CFAP77: variants seen among roughly 807,000 people sequenced by gnomAD.
CFAP77 encodes the protein cilia- and flagella-associated protein 77.
A neutral mutation model predicts 31.1 loss-of-function variants in CFAP77; 25 were observed. The observed-to-expected ratio is 0.80, with a 90% CI of 0.59 to 1.12. The LOEUF is 1.12. Among genes scored for constraint, CFAP77 ranks in the 50% most tolerant of loss-of-function variants. CFAP77 has a pLI of 0.00. For synonymous variants in CFAP77, 151 were observed against 159.9 expected (o/e 0.94, Z 0.42); for missense variants, 377 against 397.3 (o/e 0.95, Z 0.44).
chr9:132,448,190 C>A (rs778275518), intron 1 of CFAP77, among the ~76,000 whole-genome samples: 3 of 152,064 alleles, frequency 2.0e-5, no homozygotes, highest in Non-Finnish European at 2.9e-5. Context: ...CACACACACA[C>A]GCACACATGC....
At chr9:132,556,031 CGG>C (rs1328307123) in intron 5 of CFAP77, among the ~76,000 whole-genome samples, 1 of 152,094 alleles carries the variant, frequency 6.6e-6, no homozygotes, top group Non-Finnish European at 1.5e-5. Context: ...GCACCTGCCC[CGG>C]TGGGAGAACC....
intron 1 of CFAP77, among the ~76,000 whole-genome samples, chr9:132,483,346 AC>A (rs146274269): frequency 0.041 from 6,223 of 152,108 alleles, 413 homozygotes; most frequent in African/African-American, 0.14. Flanking sequence ...TGACTTGGAG[AC>A]CCCCATACAT....
chr9:132,542,950 T>C lies in CFAP77; in HGVS notation c.635T>C (p.Val212Ala). ...TTGCCTTTCCCTGGCCTACAGGTGG[T>C]CCTTGGGAAGCTGTATGAGACCCGG... ...AIKLEKKQKVVLGKLYETRSS... is the reference protein window; with the variant it reads ...AIKLEKKQKVALGKLYETRSS... Residue 212 changes from valine to alanine, a missense_variant, in exon 5 of 6, where the codon GTC (valine) becomes GCC (alanine). Physicochemically the swap from Val to Ala is moderately conservative, Grantham distance 64. Coordinates refer to ENST00000393216, the MANE Select transcript of CFAP77 (RefSeq NM_001282957.2). 6.2e-7 allele frequency: 1 copy of C among 1,614,012 alleles called. No homozygotes were observed. The highest frequency in any genetic ancestry group is 8.5e-7 in the Non-Finnish European group (1 of 1,179,890).
chr9:132,442,808 C>G (rs1441245032), intron 1 of CFAP77, among the ~76,000 whole-genome samples: 2 of 152,098 alleles, frequency 1.3e-5, no homozygotes, highest in African/African-American at 4.8e-5. Context: ...TCCCAAAGTG[C>G]TGGGATTACA....
rs188463644 is a variant in CFAP77 at position 132,501,176 on chromosome 9, C to T, written c.524+1576C>T. ...AGTGCAGGGACAGCTTCAGGCATAG[C>T]AGGATCTAGGCAGTCAGGCAACATC... On this transcript the variant is annotated intron_variant, in intron 3 of 5. Transcript: ENST00000393216. This position sits in a 1 kb window ranked among gnomAD's most constrained non-coding sequence, Gnocchi z 4.6. 1.1e-4 allele frequency among the ~76,000 whole-genome samples: 17 copies of T among 152,354 alleles called. No homozygotes were observed. The highest frequency in any genetic ancestry group is 3.6e-4 in the African/African-American group (15 of 41,586).
intron 1 of CFAP77, among the ~76,000 whole-genome samples, chr9:132,470,292 G>C (rs1851233463): frequency 6.6e-6 from 1 of 152,194 alleles, no homozygotes; most frequent in Non-Finnish European, 1.5e-5. Context: ...TGCTAGGAGG[G>C]AAGTGCCCTG....
chr9:132,460,120 T>C (rs902176345), intron 1 of CFAP77, among the ~76,000 whole-genome samples: 5 of 152,166 alleles, frequency 3.3e-5, no homozygotes, highest in African/African-American at 7.2e-5. Context: ...TGTTTATGGA[T>C]GTACCAGGGG....
intron 3 of CFAP77, among the ~76,000 whole-genome samples, chr9:132,533,161 G>A (rs1187961994): frequency 2.0e-5 from 3 of 152,178 alleles, no homozygotes; most frequent in Non-Finnish European, 2.9e-5. Context: ...TGCCCTGAAC[G>A]AGATCCCACG....
chr9:132,486,077 TATATA>T (rs1851548254), intron 1 of CFAP77, among the ~76,000 whole-genome samples: 1 of 20,146 alleles, frequency 5.0e-5, no homozygotes, highest in Non-Finnish European at 8.1e-5. Context: ...TATATATATA[TATATA>T]TATATATATT....
intron 1 of CFAP77, among the ~76,000 whole-genome samples, chr9:132,491,904 C>G (rs1286457135): frequency 2.0e-5 from 3 of 152,122 alleles, no homozygotes; most frequent in Non-Finnish European, 4.4e-5. Flanking sequence ...GTTGCAATTT[C>G]CAAAAACATA....
At chr9:132,541,609 A>C (rs1268772920) in intron 4 of CFAP77, among the ~76,000 whole-genome samples, 2 of 152,168 alleles carry the variant, frequency 1.3e-5, no homozygotes, top group Non-Finnish European at 2.9e-5. Context: ...CTGTAATCCC[A>C]GCTACTTGGG....
intron 4 of CFAP77, among the ~76,000 whole-genome samples, chr9:132,541,063 G>A (rs1380336903): frequency 6.6e-6 from 1 of 152,154 alleles, no homozygotes; most frequent in Non-Finnish European, 1.5e-5. Context: ...GGGGTTGATA[G>A]ACAATTTACC....
rs1011878414 is a variant in CFAP77, at chr9:132,540,793, G to A, written c.631-2153G>A. ...GTTCTTTACCTGTAAGTTTTGGGGG[G>A]CACCTCTCGAATGAGGGTCGCATAA... On this transcript the variant is annotated intron_variant, in intron 4 of 5. Coordinates refer to ENST00000393216, the MANE Select transcript of CFAP77 (RefSeq NM_001282957.2). 4.6e-5 allele frequency among the ~76,000 whole-genome samples: 7 copies of A among 152,174 alleles called. No individual in the cohort carries two copies. In the East Asian group the frequency reaches 1.2e-3, roughly 25 times the overall value.
intron 1 of CFAP77, among the ~76,000 whole-genome samples, chr9:132,463,242 G>T (rs556446765): frequency 2.4e-4 from 37 of 152,230 alleles, no homozygotes; most frequent in Non-Finnish European, 1.5e-5. Flanking sequence ...GTACCCTTTG[G>T]CCCAGAAACT....
At chr9:132,559,267 C>T (rs1388739945) in intron 5 of CFAP77, among the ~76,000 whole-genome samples, 1 of 144,396 alleles carries the variant, frequency 6.9e-6, no homozygotes, top group African/African-American at 2.7e-5. Flanking sequence ...ATGGCATGAA[C>T]CCGGGAGGCG....
At chr9:132,514,484 C>T (rs1564235964) in intron 3 of CFAP77, among the ~76,000 whole-genome samples, 1 of 152,310 alleles carries the variant, frequency 6.6e-6, no homozygotes, top group East Asian at 1.9e-4. Flanking sequence ...ACCTGGGACT[C>T]ACCTTTGCCC....
At chr9:132,551,204 G>A (rs1852815231) in intron 5 of CFAP77, among the ~76,000 whole-genome samples, 1 of 152,062 alleles carries the variant, frequency 6.6e-6, no homozygotes, top group African/African-American at 2.4e-5. Context: ...TCCTAAAGAT[G>A]GAGTTCCAAG....
At position 132,495,724 on chromosome 9, in the gene CFAP77, G is replaced by T. The variant is rs1272127566; in HGVS notation, c.196-2971G>T. 1.3e-5 allele frequency among the ~76,000 whole-genome samples: 2 copies of T among 152,194 alleles called. No homozygotes were observed. The highest frequency in any genetic ancestry group is 4.8e-5 in the African/African-American group (2 of 41,446). On this transcript the variant is annotated intron_variant, in intron 1 of 5. Transcript: ENST00000393216. This position sits in a 1 kb window ranked among gnomAD's most constrained non-coding sequence, Gnocchi z 4.2. Reference sequence around the variant, plus strand: ...AAAATTCAAAACCTAACTTTGGATGGGATGGCGTTAGCAGGTGGGTCTTTT... The same window carrying T: ...AAAATTCAAAACCTAACTTTGGATGTGATGGCGTTAGCAGGTGGGTCTTTT...
At chr9:132,412,726 A>G (rs900742124) in intron 1 of CFAP77, among the ~76,000 whole-genome samples, 1 of 152,134 alleles carries the variant, frequency 6.6e-6, no homozygotes, top group Non-Finnish European at 1.5e-5. Context: ...CACTTCAAAC[A>G]GCTTCCTATA....
Sources: allele counts gnomAD v4.1 joint callset (sites outside exome capture counted in the v4.1 genomes callset), GRCh38; gene constraint gnomAD v4.1.1; non-coding constraint Gnocchi (gnomAD v3.1); transcripts MANE v1.5; gene names NCBI Gene and HGNC (gene_info 2026-07-23, HGNC 2026-07-21).